Variants in EPSTI1 observed in about 807,000 individuals in gnomAD.
EPSTI1 encodes epithelial-stromal interaction protein 1.
A neutral mutation model predicts 49.9 loss-of-function variants in EPSTI1; 66 were observed. The ratio of observed to expected loss-of-function variants is 1.32; its 90% CI spans 1.08 to 1.62. The LOEUF is 1.62. Ranked by LOEUF, EPSTI1 falls within the 40% of genes most tolerant of loss-of-function variation. The probability of loss-of-function intolerance (pLI) is 0.00; values close to 1 mark genes in which losing one functional copy is unlikely to be tolerated. For missense variants in EPSTI1, 394 were observed against 365.5 expected (o/e 1.08, Z -0.64); for synonymous variants, 137 against 130.7 (o/e 1.05, Z -0.33).
intron 1 of EPSTI1, among the ~76,000 whole-genome samples, chr13:42,980,299 C>G (rs2153435425): frequency 6.6e-6 from 1 of 152,296 alleles, no homozygotes; most frequent in Admixed American, 6.5e-5. Context: ...GTATCTGTCA[C>G]ATTCTATTGG....
chr13:42,965,216 GTTGAAAAT>G (rs2039570990), intron 3 of EPSTI1, among the ~76,000 whole-genome samples: 2 of 152,282 alleles, frequency 1.3e-5, no homozygotes, highest in South Asian at 4.1e-4. Context: ...TAGAGGAGGA[GTTGAAAAT>G]TAGAAGAAAT....
chr13:42,895,058 C>T lies in EPSTI1; in HGVS notation c.866G>A (p.Gly289Asp). ...DRLQGKSQPG[G>D]LEQSGGCWNM... Reference sequence around the variant, plus strand: ...CCAACAGCCTCCAGATTGCTCGAGGCCACCTGGTTGACTTTTGCCTTGGAG... The same window carrying T: ...CCAACAGCCTCCAGATTGCTCGAGGTCACCTGGTTGACTTTTGCCTTGGAG... Residue 289 changes from glycine to aspartate, a missense_variant, in exon 10 of 11, where the codon GGC (glycine) becomes GAC (aspartate). By Grantham distance (94) the Gly-to-Asp change is moderately conservative. Coordinates refer to ENST00000313624, the MANE Select transcript of EPSTI1 (RefSeq NM_033255.5). 6.2e-7 allele frequency: 1 copy of T among 1,613,588 alleles called. No homozygotes were observed. Among genetic ancestry groups the T allele is most frequent in the Non-Finnish European group, 8.5e-7 (1 of 1,179,722 alleles).
chr13:42,954,885 A>G (rs1173379798), intron 5 of EPSTI1, among the ~76,000 whole-genome samples: 1 of 152,230 alleles, frequency 6.6e-6, no homozygotes, highest in African/African-American at 2.4e-5. Context: ...TGCCCAGAAG[A>G]GGACCAGTGA....
chr13:42,897,427 C>T (rs2037224781), intron 9 of EPSTI1, among the ~76,000 whole-genome samples: 1 of 152,234 alleles, frequency 6.6e-6, no homozygotes, highest in Admixed American at 6.5e-5. Context: ...CATGGTGAGG[C>T]ACCCCTTCTG....
At chr13:42,923,046 C>CCAGT (rs1305818008) in intron 7 of EPSTI1, among the ~76,000 whole-genome samples, 1 of 152,146 alleles carries the variant, frequency 6.6e-6, no homozygotes, top group Non-Finnish European at 1.5e-5. Context: ...AGACTCGAGG[C>CCAGT]CAGTCCTCCA....
intron 10 of EPSTI1, among the ~76,000 whole-genome samples, chr13:42,889,697 A>C (rs1406903649): frequency 6.6e-6 from 1 of 152,238 alleles, no homozygotes; most frequent in Non-Finnish European, 1.5e-5. Context: ...TATTTGCAGA[A>C]CATGTCCTAA....
intron 1 of EPSTI1, among the ~76,000 whole-genome samples, chr13:42,979,697 G>A (rs996340078): frequency 2.6e-5 from 4 of 151,438 alleles, no homozygotes; most frequent in African/African-American, 9.7e-5. Flanking sequence ...AACTGTTAAT[G>A]TTTTCCCACA....
intron 6 of EPSTI1, among the ~76,000 whole-genome samples, chr13:42,951,720 T>C (rs1167187985): frequency 6.6e-6 from 1 of 152,254 alleles, no homozygotes; most frequent in Non-Finnish European, 1.5e-5. Flanking sequence ...CTTTGCCATA[T>C]TTAGAACTCT....
intron 1 of EPSTI1, among the ~76,000 whole-genome samples, chr13:42,982,503 C>A (rs1412505997): frequency 6.6e-6 from 1 of 152,222 alleles, no homozygotes; most frequent in Non-Finnish European, 1.5e-5. Flanking sequence ...TGAATTATTT[C>A]TTGTGTAACA....
At chr13:42,989,175 T>C (rs2040141341) in intron 1 of EPSTI1, among the ~76,000 whole-genome samples, 2 of 152,082 alleles carry the variant, frequency 1.3e-5, no homozygotes, top group African/African-American at 2.4e-5. Context: ...GTAGGTGTTT[T>C]AAACCAGTGT....
At position 42,888,502 on chromosome 13, in the gene EPSTI1, C is replaced by A. The variant is rs2036931170; in HGVS notation, c.916G>T (p.Gly306Cys). The A allele has an allele frequency of 3.2e-6, 5 of 1,584,054 alleles. No homozygotes were observed. In the East Asian group the frequency reaches 6.7e-5, roughly 21 times the overall value. ...CWNMNSGNSW[G>C]I ...TAGGAGTCAATATTTTCTCATATAC[C>A]CTGGAAGAAAAAGAAAACAAAAATT... is the stretch of plus-strand genomic sequence containing the variant. The change falls in exon 11 of 11, where the codon GGT (glycine) becomes TGT (cysteine). Residue 306 changes from glycine to cysteine, a missense_variant and splice_region_variant. Physicochemically the swap from Gly to Cys is radical, Grantham distance 159 (BLOSUM62 -3). Coordinates refer to ENST00000313624, the MANE Select transcript of EPSTI1 (RefSeq NM_033255.5).
At chr13:42,973,357 A>G (rs2039809887) in intron 1 of EPSTI1, among the ~76,000 whole-genome samples, 1 of 152,252 alleles carries the variant, frequency 6.6e-6, no homozygotes, top group Non-Finnish European at 1.5e-5. Context: ...GCATTTTAGC[A>G]TAAACCCAGG....
chr13:42,955,529 C>T (rs187294255), intron 5 of EPSTI1, among the ~76,000 whole-genome samples: 391 of 152,238 alleles, frequency 2.6e-3, no homozygotes, highest in African/African-American at 8.9e-3. Flanking sequence ...TGGCAGGACG[C>T]GGTGACTCAC....
At chr13:42,907,775 C>T (rs188796309) in intron 8 of EPSTI1, among the ~76,000 whole-genome samples, 1 of 152,196 alleles carries the variant, frequency 6.6e-6, no homozygotes, top group Admixed American at 6.5e-5. Context: ...ATTAAACTTA[C>T]AAGTAAACTT....
chr13:42,895,063 TG>T lies in EPSTI1; in HGVS notation c.860del (p.Pro287GlnfsTer13). On this transcript the variant is annotated frameshift_variant, in exon 10 of 11. Transcript: ENST00000313624. LOFTEE classifies it high-confidence loss of function. ...AGCCTCCAGATTGCTCGAGGCCACCTGGTTGACTTTTGCCTTGGAGTCGGTC... is the reference window on the plus strand; with the variant it reads ...AGCCTCCAGATTGCTCGAGGCCACCTGTTGACTTTTGCCTTGGAGTCGGTC... ...FLDRLQGKSQ[P>X]GGLEQSGGCW... The T allele has an allele frequency of 1.9e-6, 3 of 1,613,700 alleles. No homozygotes were observed. Among genetic ancestry groups the T allele is most frequent in the Non-Finnish European group, 1.7e-6 (2 of 1,179,768 alleles).
intron 8 of EPSTI1, among the ~76,000 whole-genome samples, chr13:42,909,472 G>T (rs554117179): frequency 1.3e-5 from 2 of 152,148 alleles, no homozygotes; most frequent in African/African-American, 4.8e-5. Flanking sequence ...GTATGTCAAA[G>T]AGATATCTGC....
chr13:42,927,992 T>C (rs1023309886), intron 6 of EPSTI1, among the ~76,000 whole-genome samples: 10 of 152,144 alleles, frequency 6.6e-5, no homozygotes, highest in Non-Finnish European at 1.0e-4. Flanking sequence ...TCAGACCAAG[T>C]TGACAGGCAG....
intron 1 of EPSTI1, among the ~76,000 whole-genome samples, chr13:42,971,965 C>T (rs2039778711): frequency 6.6e-6 from 1 of 152,214 alleles, no homozygotes. Flanking sequence ...CAATTAATCC[C>T]TTGTCCATTG....
chr13:42,924,513 CGAACGGAAAG>C (rs1566122144), intron 7 of EPSTI1, among the ~76,000 whole-genome samples: 1 of 152,156 alleles, frequency 6.6e-6, no homozygotes, highest in East Asian at 1.9e-4. Context: ...AGGGAGCCCT[CGAACGGAAAG>C]GAAGACCAGC....
Sources: allele counts gnomAD v4.1 joint callset (sites outside exome capture counted in the v4.1 genomes callset), GRCh38; gene constraint gnomAD v4.1.1; transcripts MANE v1.5; gene names NCBI Gene and HGNC (gene_info 2026-07-23, HGNC 2026-07-21).